Variants in ADGB observed in about 807,000 individuals in gnomAD.
ADGB encodes calpain-7-like protein.
A neutral mutation model predicts 210.5 loss-of-function variants in ADGB; 172 were observed. That is an observed-to-expected ratio of 0.82 (90% CI 0.72 to 0.93). ADGB has a LOEUF of 0.93. Ranked by LOEUF, ADGB falls within the 40% of genes least tolerant of loss-of-function variation. The probability of loss-of-function intolerance (pLI) is 0.00; values close to 1 mark genes in which losing one functional copy is unlikely to be tolerated. For missense variants in ADGB, 2,025 were observed against 1,964.8 expected (o/e 1.03, Z -0.58); for synonymous variants, 658 against 662.7 (o/e 0.99, Z 0.11).
At chr6:146,712,935 C>G (rs548868252) in intron 13 of ADGB, among the ~76,000 whole-genome samples, 1 of 151,384 alleles carries the variant, frequency 6.6e-6, no homozygotes, top group African/African-American at 2.4e-5. Flanking sequence ...CCCATGAAAA[C>G]CACCATTCCA....
chr6:146,688,969 G>A (rs1391208998), intron 10 of ADGB, among the ~76,000 whole-genome samples: 1 of 151,996 alleles, frequency 6.6e-6, no homozygotes, highest in East Asian at 1.9e-4. Context: ...AACAAAACTC[G>A]GGAAGGAGCA....
chr6:146,656,924 G>T lies in ADGB; in HGVS notation c.556G>T (p.Gly186Cys). 6.4e-7 allele frequency: 1 copy of T among 1,551,528 alleles called. No individual in the cohort carries two copies. Among genetic ancestry groups the T allele is most frequent in the Non-Finnish European group, 8.7e-7 (1 of 1,146,880 alleles). The change falls in exon 5 of 36, where the codon GGT becomes TGT. Residue 186 changes from glycine (G) to cysteine (C), a missense_variant. Gly to Cys is a radical substitution (Grantham distance 159). Transcript: ENST00000397944. The part of the protein sequence containing the change: ...HIYSLCKAVK[G>C]HMPLFNSYGK... ...ATACTCTCTGTGCAAGGCTGTGAAG[G>T]GTCATATGCCTTTGTTCAATAGCTA...
At chr6:146,801,401 C>CA in intron 34 of ADGB, 122 bp downstream of exon 34, 2 of 524,482 alleles carry the variant, frequency 3.8e-6, no homozygotes, top group East Asian at 7.0e-5. Flanking sequence ...AGATGAGCTA[C>CA]AAAAAATTTC....
intron 1 of ADGB, among the ~76,000 whole-genome samples, chr6:146,611,055 G>A (rs1780701968): frequency 6.6e-6 from 1 of 152,118 alleles, no homozygotes; most frequent in South Asian, 2.1e-4. Context: ...CTGCAGGTGA[G>A]TGCATGCAGG....
At chr6:146,781,950 C>T (rs1260093473) in intron 29 of ADGB, 70 bp from the exon 30 acceptor site, 2 of 1,166,404 alleles carry the variant, frequency 1.7e-6, no homozygotes, top group Non-Finnish European at 2.3e-6. Context: ...GAGTTGATTC[C>T]CTTGTCCCCT....
intron 25 of ADGB, among the ~76,000 whole-genome samples, chr6:146,742,911 T>C (rs1431868418): frequency 6.6e-6 from 1 of 152,170 alleles, no homozygotes; most frequent in Non-Finnish European, 1.5e-5. Flanking sequence ...CTTCTGAGTT[T>C]AGTTAGTGTT....
intron 1 of ADGB, among the ~76,000 whole-genome samples, chr6:146,604,853 G>A (rs1047207248): frequency 6.6e-6 from 1 of 152,178 alleles, no homozygotes; most frequent in Admixed American, 6.5e-5. Context: ...TGGTGTGGGG[G>A]TAGAGTAGAG....
chr6:146,686,336 A>G (rs1430216688), intron 10 of ADGB, among the ~76,000 whole-genome samples: 5 of 152,108 alleles, frequency 3.3e-5, no homozygotes. Flanking sequence ...ATTGTAGAAA[A>G]TTTAGAAAAT....
In ADGB at chr6:146,672,170, GA is replaced by G. The variant is rs370253232; in HGVS notation, c.840-39del. 7,859 of 1,062,480 alleles carry G rather than the reference GA, an allele frequency of 7.4e-3. 1 individual carries two copies. Among genetic ancestry groups the G allele is most frequent in the South Asian group, 0.017 (869 of 51,634 alleles). The allele number at this position is 1,062,480 out of a possible 1,614,324, so 65.8% of individuals were successfully genotyped here. A position where few individuals can be genotyped will look rare whatever the true frequency, so the allele number is the denominator to read the frequency against. The stretch of plus-strand genomic sequence containing the variant: ...TCAGTAATTTCTTGCGAAGTTCAAG[GA>G]AAAAAAAAAACATCGTTTGGAAATT... On this transcript the variant is annotated intron_variant, in intron 7 of 35. Transcript: ENST00000397944.
At chr6:146,790,151 A>G (rs1174487076) in intron 33 of ADGB, among the ~76,000 whole-genome samples, 2 of 152,144 alleles carry the variant, frequency 1.3e-5, no homozygotes, top group Admixed American at 1.3e-4. Context: ...TAATAAATAT[A>G]TTCATTACCT....
chr6:146,786,768 A>G (rs1005150589), intron 32 of ADGB, among the ~76,000 whole-genome samples: 2 of 152,194 alleles, frequency 1.3e-5, no homozygotes, highest in African/African-American at 4.8e-5. Context: ...ACAAAGGTGA[A>G]TAGGATTCAG....
intron 8 of ADGB, 32 bp downstream of exon 8, chr6:146,672,499 T>C (rs1361840975): frequency 7.3e-6 from 11 of 1,502,878 alleles, no homozygotes; most frequent in Non-Finnish European, 9.8e-6. Flanking sequence ...TGTGATTCAG[T>C]ATGGACATTG....
In ADGB at chr6:146,746,030, C is replaced by G; in HGVS notation, c.3286C>G (p.Arg1096Gly). 1 of 1,551,200 alleles carries G rather than the reference C, an allele frequency of 6.4e-7. No homozygotes were observed. Among genetic ancestry groups the G allele is most frequent in the Non-Finnish European group, 8.7e-7 (1 of 1,146,688 alleles). The change falls in exon 26 of 36, where the codon CGA becomes GGA. Residue 1096 changes from arginine (R) to glycine (G), a missense_variant. By Grantham distance (125) the Arg-to-Gly change is moderately radical (BLOSUM62 -2). Coordinates refer to ENST00000397944, the MANE Select transcript of ADGB (RefSeq NM_024694.4). Reference sequence around the variant, plus strand: ...TTCTGCTCCACTGCCATGCCTCTCTCGAGACTCTCCATGCAATTCCTTTGC... The same window carrying G: ...TTCTGCTCCACTGCCATGCCTCTCTGGAGACTCTCCATGCAATTCCTTTGC... ...GSSAPLPCLS[R>G]DSPCNSFAIK... is the part of the protein sequence containing the mutation.
Position 146,815,282 on chromosome 6 carries a change from T to G in ADGB, c.*65T>G. 1.6e-6 allele frequency: 2 copies of G among 1,236,942 alleles called. No homozygotes were observed. The highest frequency in any genetic ancestry group is 2.1e-6 in the Non-Finnish European group (2 of 934,228). The allele number at this position is 1,236,942 out of a possible 1,614,324, so 76.6% of individuals were successfully genotyped here. A position where few individuals can be genotyped will look rare whatever the true frequency, so the allele number is the denominator to read the frequency against. On this transcript the variant is annotated 3_prime_UTR_variant, in exon 36 of 36. Transcript: ENST00000397944. ...AAATCTATTTGTAATGATCTTTAAC[T>G]GCCTGCTGTTAAGATATTAGGCCAA...
At chr6:146,715,475 T>TCTGCTTCTTGA in intron 14 of ADGB, 60 bp downstream of exon 14, 1 of 1,233,620 alleles carries the variant, frequency 8.1e-7, no homozygotes. Context: ...GAGGGGCATC[T>TCTGCTTCTTGA]CTGCTTCTTG....
chr6:146,736,957 G>T (rs892529809), intron 23 of ADGB, among the ~76,000 whole-genome samples: 9 of 151,932 alleles, frequency 5.9e-5, no homozygotes, highest in African/African-American at 1.9e-4. Flanking sequence ...CAGGGACAAG[G>T]CAGAGGTAGA....
chr6:146,797,008 A>ACAAATAACCCCAT (rs1021957496), intron 33 of ADGB, among the ~76,000 whole-genome samples: 1 of 152,144 alleles, frequency 6.6e-6, no homozygotes, highest in African/African-American at 2.4e-5. Flanking sequence ...AGAAAAAATA[A>ACAAATAACCCCAT]CAAATAACCC....
intron 1 of ADGB, among the ~76,000 whole-genome samples, chr6:146,605,548 C>A (rs925064000): frequency 6.6e-6 from 1 of 152,040 alleles, no homozygotes; most frequent in South Asian, 2.1e-4. Context: ...TTCATAAATG[C>A]ATGTGTAATT....
At chr6:146,755,135 CT>C (rs1777387938) in intron 27 of ADGB, among the ~76,000 whole-genome samples, 1 of 152,004 alleles carries the variant, frequency 6.6e-6, no homozygotes, top group Admixed American at 6.6e-5. Context: ...CTTCTCTTAA[CT>C]TTAACAGGAT....
Sources: gnomAD v4.1 joint callset for allele counts (sites outside exome capture counted in the v4.1 genomes callset) on GRCh38, gnomAD v4.1.1 for gene constraint, MANE v1.5 for transcripts, NCBI Gene and HGNC (gene_info 2026-07-23, HGNC 2026-07-21) for gene names.